IL10RA: variants seen among roughly 807,000 people sequenced by gnomAD.
IL10RA encodes the protein interleukin 10 receptor subunit alpha.
Under a neutral mutation model 29.6 loss-of-function variants are expected in IL10RA, and 18 were observed. That is an observed-to-expected ratio of 0.61 (90% CI 0.42 to 0.90). The LOEUF is 0.90. IL10RA is among the 40% of genes least tolerant of loss of function. The pLI is 0.00. For synonymous variants in IL10RA, 292 were observed against 294.1 expected (o/e 0.99, Z 0.07); for missense variants, 634 against 716.6 (o/e 0.88, Z 1.32).
Position 117,989,823 on chromosome 11 carries a change from G to A in IL10RA, c.367+203G>A. The A allele has an allele frequency of 6.2e-6, 4 of 641,832 alleles. No homozygotes were observed. The highest frequency in any genetic ancestry group is 2.8e-6 in the Non-Finnish European group (1 of 360,178). The allele number at this position is 641,832 out of a possible 1,614,324, so 39.8% of individuals were successfully genotyped here. On this transcript the variant is annotated intron_variant, in intron 3 of 6. Transcript: ENST00000227752. This position sits in a 1 kb window ranked among gnomAD's most constrained non-coding sequence, Gnocchi z 4.5. ...GTTGTTTGAGATTTAAAAGGGAACT[G>A]GAGTTGTTTATCCTACAGAAGAGAG... is the stretch of plus-strand genomic sequence containing the variant.
In IL10RA at chr11:118,000,247, A is replaced by G; in HGVS notation, c.*606A>G. On this transcript the variant is annotated 3_prime_UTR_variant, in exon 7 of 7. Transcript: ENST00000227752. ...TATTTTCTGGACACTCAAACACATC[A>G]TAATGGATTCACTGAGGGGAGACAA... The G allele has an allele frequency of 2.2e-6, 1 of 454,216 alleles. No homozygotes were observed. Among genetic ancestry groups the G allele is most frequent in the Non-Finnish European group, 4.4e-6 (1 of 226,782 alleles). The allele number at this position is 454,216 out of a possible 1,614,324, so 28.1% of individuals were successfully genotyped here.
chr11:118,000,542 G>C lies in IL10RA; in HGVS notation c.*901G>C. ...TGGGCACCAGCTCATGCCAGCCCCA[G>C]AGGGTCAGGGTTGGAGGCCTGTGCT... On this transcript the variant is annotated 3_prime_UTR_variant, in exon 7 of 7. Transcript: ENST00000227752. The C allele has an allele frequency of 2.2e-6, 1 of 454,286 alleles. No homozygotes were observed. Among genetic ancestry groups the C allele is most frequent in the Non-Finnish European group, 4.4e-6 (1 of 226,794 alleles). 28.1% of individuals were successfully genotyped at this position (454,286 alleles called of 1,614,324 possible). A position where few individuals can be genotyped will look rare whatever the true frequency, so the allele number is the denominator to read the frequency against.
Position 117,999,225 on chromosome 11 carries a change from G to C in IL10RA, c.1321G>C (p.Val441Leu). 1 of 1,614,270 alleles carries C rather than the reference G, an allele frequency of 6.2e-7. No homozygotes were observed. The highest frequency in any genetic ancestry group is 1.1e-5 in the South Asian group (1 of 91,092). ...GCCTGGGGAAGAAGACCCAGCTGCT[G>C]TGGCATTCCAGGGTTACCTGAGGCA... ...EVPGEEDPAA[V>L]AFQGYLRQTR... Residue 441 changes from valine (V) to leucine (L), a missense_variant, in exon 7 of 7, where the codon GTG (valine) becomes CTG (leucine). Val to Leu is a conservative substitution (Grantham distance 32, BLOSUM62 1). Transcript: ENST00000227752.
chr11:117,998,662 A>G, intron 6 of IL10RA, 53 bp from the exon 7 acceptor site: 1 of 1,526,012 alleles, frequency 6.6e-7, no homozygotes. Flanking sequence ...CAGCACTGGG[A>G]TGGGTGCTGG....
chr11:117,994,620 G>A (rs1182530513), intron 5 of IL10RA, among the ~76,000 whole-genome samples: 1 of 152,202 alleles, frequency 6.6e-6, no homozygotes, highest in Non-Finnish European at 1.5e-5. Flanking sequence ...GTCAGGTGCC[G>A]GGGCTGTAGG....
chr11:117,991,201 A>C (rs2058020286), intron 3 of IL10RA, among the ~76,000 whole-genome samples: 1 of 152,086 alleles, frequency 6.6e-6, no homozygotes, highest in Non-Finnish European at 1.5e-5. Context: ...CTGTCTCAAA[A>C]AAACAAACAA....
Position 117,999,108 on chromosome 11 carries a change from G to A in IL10RA, c.1204G>A (p.Gly402Ser), listed in dbSNP as rs1450199788. 2 of 1,611,742 alleles carry A rather than the reference G, an allele frequency of 1.2e-6. No individual in the cohort carries two copies. The highest frequency in any genetic ancestry group is 2.7e-5 in the African/African-American group (2 of 74,906). ...GSNSRGQDDS[G>S]IDLVQNSEGR... Reference sequence around the variant, plus strand: ...CAACAGCAGGGGCCAGGATGACAGTGGCATTGACTTAGTTCAAAACTCTGA... The same window carrying A: ...CAACAGCAGGGGCCAGGATGACAGTAGCATTGACTTAGTTCAAAACTCTGA... The change falls in exon 7 of 7, where the codon GGC becomes AGC. Residue 402 changes from glycine (G) to serine (S), a missense_variant. Gly to Ser is a moderately conservative substitution (Grantham distance 56). Transcript: ENST00000227752.
At chr11:117,986,588 A>C (rs1001178060) in intron 1 of IL10RA, 54 bp downstream of exon 1, 2 of 1,548,120 alleles carry the variant, frequency 1.3e-6, no homozygotes, top group Non-Finnish European at 1.7e-6. Flanking sequence ...CGCCCGCTCC[A>C]TTAAAGTTCT....
chr11:117,994,690 T>C (rs2058045340), intron 5 of IL10RA, among the ~76,000 whole-genome samples: 1 of 152,200 alleles, frequency 6.6e-6, no homozygotes, highest in African/African-American at 2.4e-5. Context: ...TCTTGCATCC[T>C]GGCTGGGGAG....
In IL10RA at chr11:117,999,352, A is replaced by G. The variant is rs756622767; in HGVS notation, c.1448A>G (p.Asp483Gly). 7.4e-6 allele frequency: 12 copies of G among 1,614,212 alleles called. No individual in the cohort carries two copies. Among genetic ancestry groups the G allele is most frequent in the Non-Finnish European group, 1.0e-5 (12 of 1,180,040 alleles). Reference sequence around the variant, plus strand: ...CCCAAATTCGGGAGATGCCTGGTTGATGAGGCAGGCTTGCATCCACCAGCC... The same window carrying G: ...CCCAAATTCGGGAGATGCCTGGTTGGTGAGGCAGGCTTGCATCCACCAGCC... ...LGPKFGRCLV[D>G]EAGLHPPALA... is the part of the protein sequence containing the mutation. The change falls in exon 7 of 7, where the codon GAT (aspartate) becomes GGT (glycine). Residue 483 changes from aspartate (D) to glycine (G), a missense_variant. Asp to Gly is a moderately conservative substitution (Grantham distance 94). Transcript: ENST00000227752.
Position 117,989,710 on chromosome 11 carries a change from C to T in IL10RA, c.367+90C>T, listed in dbSNP as rs1355126454. On this transcript the variant is annotated intron_variant, in intron 3 of 6. Coordinates refer to ENST00000227752, the MANE Select transcript of IL10RA (RefSeq NM_001558.4). This position sits in a 1 kb window ranked among gnomAD's most constrained non-coding sequence, Gnocchi z 4.5. The stretch of plus-strand genomic sequence containing the variant: ...AGAGCTTTTCTGTCTATTACCATAG[C>T]TCACCATGTCTGCCAGCCTCCCTGG... 10 of 1,301,416 alleles carry T rather than the reference C, an allele frequency of 7.7e-6. No homozygotes were observed. The highest frequency in any genetic ancestry group is 1.1e-5 in the Non-Finnish European group (10 of 922,202). 80.6% of individuals were successfully genotyped at this position (1,301,416 alleles called of 1,614,324 possible).
intron 3 of IL10RA, among the ~76,000 whole-genome samples, chr11:117,991,183 G>A (rs1016844467): frequency 4.6e-5 from 7 of 152,262 alleles, no homozygotes; most frequent in Admixed American, 3.3e-4. Flanking sequence ...GGGTGACAGA[G>A]CGAGACTCTG....
In IL10RA at chr11:117,995,605, C is replaced by T. The variant is rs752280029; in HGVS notation, c.705C>T (p.Asn235=). ...SLTRQYFTVT[N]VIIFFAFVLL... ...GGCCTGCAGATTTCACCGTGACCAA[C>T]GTCATCATCTTCTTTGCCTTTGTCC... Residue 235 remains asparagine, a synonymous_variant, in exon 6 of 7, where the codon AAC becomes AAT. Coordinates refer to ENST00000227752, the MANE Select transcript of IL10RA (RefSeq NM_001558.4). 1.8e-5 allele frequency: 29 copies of T among 1,614,082 alleles called. No individual in the cohort carries two copies. Among genetic ancestry groups the T allele is most frequent in the African/African-American group, 6.7e-5 (5 of 74,928 alleles).
At chr11:117,988,210 T>G in intron 1 of IL10RA, 172 bp from the exon 2 acceptor site, 1 of 760,550 alleles carries the variant, frequency 1.3e-6, no homozygotes, top group South Asian at 1.6e-5. Context: ...GGAGACACAC[T>G]AGCTCTAGAA....
chr11:117,995,754 A>G (rs1194005527), intron 6 of IL10RA, 44 bp downstream of exon 6: 6 of 1,603,124 alleles, frequency 3.7e-6, no homozygotes, highest in East Asian at 4.5e-5. Context: ...TCCCAGCCAC[A>G]CCCGAGCTTC....
intron 4 of IL10RA, 135 bp from the exon 5 acceptor site, chr11:117,993,864 T>C: frequency 1.4e-6 from 1 of 727,748 alleles, no homozygotes; most frequent in Non-Finnish European, 2.5e-6. Flanking sequence ...GCATTGGTAA[T>C]TGTGGGGTTT....
intron 6 of IL10RA, among the ~76,000 whole-genome samples, chr11:117,998,482 T>C (rs1021867272): frequency 2.0e-5 from 3 of 152,244 alleles, no homozygotes; most frequent in African/African-American, 7.2e-5. Context: ...TTCTGCCTGT[T>C]ACTCCATCTG....
rs2058092050 is a variant in IL10RA, at chr11:118,001,000, C to A, written c.*1359C>A. ...GAGGGGACAGGCCTGTGCGTGCCATCCAGAGTCATCTCAGCCCTGCCTTTC... is the reference window on the plus strand; with the variant it reads ...GAGGGGACAGGCCTGTGCGTGCCATACAGAGTCATCTCAGCCCTGCCTTTC... On this transcript the variant is annotated 3_prime_UTR_variant, in exon 7 of 7. Coordinates refer to ENST00000227752, the MANE Select transcript of IL10RA (RefSeq NM_001558.4). 1 of 454,082 alleles carries A rather than the reference C, an allele frequency of 2.2e-6. No homozygotes were observed. Among genetic ancestry groups the A allele is most frequent in the Admixed American group, 2.3e-5 (1 of 42,558 alleles). 28.1% of individuals were successfully genotyped at this position (454,082 alleles called of 1,614,324 possible).
chr11:117,994,113 T>C lies in IL10RA; in HGVS notation c.652T>C (p.Trp218Arg), dbSNP rs1290903316. 6.2e-7 allele frequency: 1 copy of C among 1,614,128 alleles called. No individual in the cohort carries two copies. Among genetic ancestry groups the C allele is most frequent in the Non-Finnish European group, 8.5e-7 (1 of 1,179,988 alleles). ...SVASRSNKGMWSKEECISLTR... is the reference protein window; with the variant it reads ...SVASRSNKGMRSKEECISLTR... ...CGCTTCCCGAAGTAACAAGGGGATG[T>C]GGTCTAAAGAGGAGTGCATCTCCCT... The change falls in exon 5 of 7, where the codon TGG becomes CGG. Residue 218 changes from tryptophan to arginine, a missense_variant. Trp to Arg is a moderately radical substitution (Grantham distance 101). Transcript: ENST00000227752.
Sources: gnomAD v4.1 joint callset for allele counts (sites outside exome capture counted in the v4.1 genomes callset) on GRCh38, gnomAD v4.1.1 for gene constraint, Gnocchi (gnomAD v3.1) non-coding constraint, MANE v1.5 for transcripts, NCBI Gene and HGNC (gene_info 2026-07-23, HGNC 2026-07-21) for gene names.